Variants in CIMIP6 observed in about 807,000 individuals in gnomAD.
The protein encoded by CIMIP6 is uncharacterized protein C2orf73.
At chr2:54,366,362 G>A in the CIMIP6 span, among the ~76,000 whole-genome samples, 1 of 152,098 alleles carries the variant, frequency 6.6e-6, no homozygotes, top group Non-Finnish European at 1.5e-5. Context: ...AAACACACCT[G>A]GATGGCCTAA....
the CIMIP6 span, among the ~76,000 whole-genome samples, chr2:54,339,603 G>T: frequency 2.7e-5 from 2 of 74,990 alleles, 1 homozygote; most frequent in South Asian, 6.2e-4. Context: ...TTTAGGTACA[G>T]TGTAACCAAT....
At chr2:54,355,564 C>T in the CIMIP6 span, among the ~76,000 whole-genome samples, 196 of 150,976 alleles carry the variant, frequency 1.3e-3, 1 homozygote, top group Middle Eastern at 0.014. Flanking sequence ...TATTTCCTTC[C>T]CTTCCCTCTA....
chr2:54,356,142 T>TCAA, the CIMIP6 span, among the ~76,000 whole-genome samples: 4 of 100,892 alleles, frequency 4.0e-5, no homozygotes, highest in African/African-American at 1.5e-4. Context: ...CCTTAAACTG[T>TCAA]TAAAAAAAAA....
the CIMIP6 span, among the ~76,000 whole-genome samples, chr2:54,366,683 A>C: frequency 1.3e-5 from 2 of 152,198 alleles, no homozygotes; most frequent in Non-Finnish European, 2.9e-5. Context: ...TAATGTCAGC[A>C]GACTTCTCAT....
At chr2:54,379,521 A>G in the CIMIP6 span, among the ~76,000 whole-genome samples, 2 of 152,124 alleles carry the variant, frequency 1.3e-5, no homozygotes, top group Non-Finnish European at 2.9e-5. Context: ...TAAGTAGTCT[A>G]AGTTTCGAGA....
chr2:54,361,478 T>C, the CIMIP6 span: 7 of 152,316 alleles, frequency 4.6e-5, no homozygotes, highest in Admixed American at 2.6e-4. Context: ...CAAATTTCCA[T>C]TGGGAAATAT....
the CIMIP6 span, chr2:54,381,930 C>A: frequency 6.5e-7 from 1 of 1,550,038 alleles, no homozygotes; most frequent in Non-Finnish European, 8.7e-7. Flanking sequence ...AGATCACGGG[C>A]ATGTTTTTTT....
the CIMIP6 span, among the ~76,000 whole-genome samples, chr2:54,373,926 T>C: frequency 7.1e-4 from 108 of 152,386 alleles, no homozygotes; most frequent in African/African-American, 2.4e-3. Flanking sequence ...AATAGTCTGT[T>C]TCTCTTAGAC....
At chr2:54,375,894 G>GTGTGT in the CIMIP6 span, among the ~76,000 whole-genome samples, 23 of 152,166 alleles carry the variant, frequency 1.5e-4, no homozygotes, top group African/African-American at 5.3e-4. Flanking sequence ...GGGTGTGTGT[G>GTGTGT]TGTGTGTGTG....
the CIMIP6 span, among the ~76,000 whole-genome samples, chr2:54,333,520 C>G: frequency 2.6e-5 from 4 of 152,132 alleles, no homozygotes; most frequent in Admixed American, 2.6e-4. Context: ...GCAAGTCACA[C>G]AGGACCTCAG....
the CIMIP6 span, among the ~76,000 whole-genome samples, chr2:54,334,083 A>C: frequency 4.6e-5 from 7 of 152,204 alleles, no homozygotes; most frequent in African/African-American, 1.7e-4. Flanking sequence ...CTATGTAAAA[A>C]GTATTCAAAT....
chr2:54,357,479 C>T, the CIMIP6 span, among the ~76,000 whole-genome samples: 2 of 151,706 alleles, frequency 1.3e-5, no homozygotes, highest in Non-Finnish European at 2.9e-5. Context: ...CACCTCTGTC[C>T]TCCAGTCACC....
chr2:54,382,236 T>C, the CIMIP6 span, among the ~76,000 whole-genome samples: 4 of 152,216 alleles, frequency 2.6e-5, no homozygotes, highest in South Asian at 4.1e-4. Context: ...CACTATATTG[T>C]TATCAATGTC....
the CIMIP6 span, among the ~76,000 whole-genome samples, chr2:54,371,654 C>T: frequency 6.6e-6 from 1 of 152,190 alleles, no homozygotes; most frequent in African/African-American, 2.4e-5. Context: ...TTCAGACATG[C>T]CAGTGGTGGG....
the CIMIP6 span, among the ~76,000 whole-genome samples, chr2:54,346,399 A>G: frequency 1.3e-5 from 2 of 152,168 alleles, no homozygotes; most frequent in Non-Finnish European, 2.9e-5. Context: ...CTAAAAACCA[A>G]ATTTCTCTAA....
chr2:54,363,807 C>T, the CIMIP6 span, among the ~76,000 whole-genome samples: 1 of 152,158 alleles, frequency 6.6e-6, no homozygotes, highest in Non-Finnish European at 1.5e-5. Context: ...TTTTCTAAAT[C>T]ATTTGCAAAC....
chr2:54,368,609 T>C, the CIMIP6 span, among the ~76,000 whole-genome samples: 2 of 152,228 alleles, frequency 1.3e-5, no homozygotes, highest in African/African-American at 2.4e-5. Flanking sequence ...CCATGCCAGA[T>C]AGTCAGTGTG....
At chr2:54,378,877 C>T in the CIMIP6 span, among the ~76,000 whole-genome samples, 5 of 152,112 alleles carry the variant, frequency 3.3e-5, no homozygotes, top group East Asian at 1.9e-4. Context: ...TTTGTGCTTT[C>T]GTGATGAAAG....
At chr2:54,344,323 AGACCCT>A in the CIMIP6 span, among the ~76,000 whole-genome samples, 3 of 152,218 alleles carry the variant, frequency 2.0e-5, no homozygotes, top group Non-Finnish European at 2.9e-5. Flanking sequence ...CTGCCTTCCA[AGACCCT>A]ATTACTATAA....
Sources: allele counts gnomAD v4.1 joint callset (sites outside exome capture counted in the v4.1 genomes callset), GRCh38; gene constraint gnomAD v4.1.1; transcripts MANE v1.5; gene names NCBI Gene and HGNC (gene_info 2026-07-23, HGNC 2026-07-21).